Variants in SLC24A4 observed in about 807,000 individuals in gnomAD.
The protein encoded by SLC24A4 is sodium/potassium/calcium exchanger 4.
SLC24A4 carries 53 observed loss-of-function variants against 79.0 expected under a neutral mutation model. That is an observed-to-expected ratio of 0.67 (90% CI 0.54 to 0.84). SLC24A4 has a LOEUF of 0.84. SLC24A4 is among the 40% of genes least tolerant of loss of function. The pLI is 0.00. For missense variants in SLC24A4, 731 were observed against 822.0 expected, an observed-to-expected ratio of 0.89 and a Z score of 1.35; for synonymous variants, 323 against 323.8, an observed-to-expected ratio of 1.00 and a Z score of 0.03.
At chr14:92,438,705 G>A (rs1030173850) in intron 3 of SLC24A4, among the ~76,000 whole-genome samples, 1 of 152,146 alleles carries the variant, frequency 6.6e-6, no homozygotes, top group Non-Finnish European at 1.5e-5. Flanking sequence ...CTAAGCATAC[G>A]ACCCTCCAGG....
At chr14:92,480,705 C>A (rs1464347987) in intron 12 of SLC24A4, among the ~76,000 whole-genome samples, 1 of 152,098 alleles carries the variant, frequency 6.6e-6, no homozygotes, top group African/African-American at 2.4e-5. Flanking sequence ...AAAGTATTTT[C>A]TAATTTTTTT....
intron 2 of SLC24A4, among the ~76,000 whole-genome samples, chr14:92,387,181 A>ATTT (rs10660359): frequency 0.12 from 16,898 of 140,184 alleles, 3,178 homozygotes; most frequent in African/African-American, 0.41. Context: ...GGAGAGAAGT[A>ATTT]TTTTTTTTTT....
chr14:92,412,900 T>C (rs1890797551), intron 2 of SLC24A4, among the ~76,000 whole-genome samples: 1 of 152,218 alleles, frequency 6.6e-6, no homozygotes, highest in Non-Finnish European at 1.5e-5. Flanking sequence ...TTTTCAATGA[T>C]TGGACAAAGT....
intron 2 of SLC24A4, among the ~76,000 whole-genome samples, chr14:92,393,119 T>C (rs1016599061): frequency 6.6e-6 from 1 of 152,212 alleles, no homozygotes; most frequent in African/African-American, 2.4e-5. Flanking sequence ...CTATGAGGAA[T>C]ACACTCTCAC....
intron 2 of SLC24A4, among the ~76,000 whole-genome samples, chr14:92,385,932 G>A (rs1034026481): frequency 3.3e-5 from 5 of 152,134 alleles, no homozygotes; most frequent in East Asian, 1.9e-4. Flanking sequence ...CTGCCTCTGC[G>A]GCAGGCCAGG....
At chr14:92,422,029 G>A (rs777344943) in intron 2 of SLC24A4, among the ~76,000 whole-genome samples, 2 of 152,158 alleles carry the variant, frequency 1.3e-5, no homozygotes, top group African/African-American at 2.4e-5. Context: ...GAGTGATTTC[G>A]TGTGTTGCTT....
chr14:92,395,210 T>C (rs190654045), intron 2 of SLC24A4, among the ~76,000 whole-genome samples: 161 of 152,302 alleles, frequency 1.1e-3, no homozygotes, highest in African/African-American at 3.7e-3. Context: ...CCTTTCTGCC[T>C]GACCCACAGT....
At chr14:92,368,813 C>A (rs1036490965) in intron 2 of SLC24A4, among the ~76,000 whole-genome samples, 2 of 152,132 alleles carry the variant, frequency 1.3e-5, no homozygotes, top group East Asian at 3.9e-4. Flanking sequence ...CCTGCCTCAC[C>A]CAACTTTGGC....
chr14:92,354,692 C>A (rs897428427), intron 2 of SLC24A4, among the ~76,000 whole-genome samples: 2 of 152,030 alleles, frequency 1.3e-5, no homozygotes. Flanking sequence ...TGGGGTGGGG[C>A]CTGAGATTCT....
intron 11 of SLC24A4, 26 bp from the exon 12 acceptor site, chr14:92,456,378 G>A (rs1439552758): frequency 6.2e-7 from 1 of 1,613,052 alleles, no homozygotes. Flanking sequence ...ATGCCTTGGT[G>A]TCCATGTTGC....
At chr14:92,483,677 ACT>A in intron 13 of SLC24A4, 1 of 1,245,280 alleles carries the variant, frequency 8.0e-7, no homozygotes. Context: ...CTCCTTCCCC[ACT>A]CTCTGTATAC....
At chr14:92,351,773 A>C (rs1886891750) in intron 2 of SLC24A4, among the ~76,000 whole-genome samples, 1 of 152,106 alleles carries the variant, frequency 6.6e-6, no homozygotes, top group African/African-American at 2.4e-5. Flanking sequence ...CTGAGGCATG[A>C]GAATTGCTTT....
chr14:92,410,045 G>A (rs552424677), intron 2 of SLC24A4, among the ~76,000 whole-genome samples: 15 of 152,284 alleles, frequency 9.9e-5, no homozygotes, highest in African/African-American at 3.6e-4. Context: ...TTTGAGGGGG[G>A]AAGGTGGGAG....
intron 12 of SLC24A4, among the ~76,000 whole-genome samples, chr14:92,471,271 C>A (rs77073610): frequency 0.044 from 6,663 of 152,230 alleles, 374 homozygotes; most frequent in East Asian, 0.17. Flanking sequence ...CTACTCCTAG[C>A]AGGGACAAGG....
In SLC24A4 at chr14:92,398,363, G is replaced by C. The variant is rs1400023041; in HGVS notation, c.242-35549G>C. ...TTAGAAAGGGAGGAGGCTGGCAGCA[G>C]GCTGGTGGGCGGAGCAAGCATCCAC... On this transcript the variant is annotated intron_variant, in intron 2 of 16. Transcript: ENST00000532405. This position sits in a 1 kb window ranked among gnomAD's most constrained non-coding sequence, Gnocchi z 4.1. 1.3e-5 allele frequency among the ~76,000 whole-genome samples: 2 copies of C among 152,216 alleles called. No homozygotes were observed. The highest frequency in any genetic ancestry group is 2.9e-5 in the Non-Finnish European group (2 of 68,040).
At chr14:92,333,888 G>A (rs185457973) in intron 2 of SLC24A4, among the ~76,000 whole-genome samples, 2 of 152,282 alleles carry the variant, frequency 1.3e-5, no homozygotes, top group East Asian at 1.9e-4. Context: ...GGCTGGGCTA[G>A]GAGGAGATGA....
chr14:92,379,787 C>T (rs1165155237), intron 2 of SLC24A4, among the ~76,000 whole-genome samples: 1 of 152,116 alleles, frequency 6.6e-6, no homozygotes, highest in East Asian at 1.9e-4. Flanking sequence ...GCTCACCCTG[C>T]TCTCCCACTG....
chr14:92,411,812 A>G (rs1035411694), intron 2 of SLC24A4, among the ~76,000 whole-genome samples: 2 of 152,190 alleles, frequency 1.3e-5, no homozygotes, highest in African/African-American at 4.8e-5. Flanking sequence ...TTTGGACAAG[A>G]CTGTCAAATA....
At chr14:92,358,522 A>G (rs1887308273) in intron 2 of SLC24A4, among the ~76,000 whole-genome samples, 1 of 151,800 alleles carries the variant, frequency 6.6e-6, no homozygotes, top group East Asian at 1.9e-4. Context: ...CCAGGCTCAA[A>G]TATCCGCTGG....
Sources: gnomAD v4.1 joint callset for allele counts (sites outside exome capture counted in the v4.1 genomes callset) on GRCh38, gnomAD v4.1.1 for gene constraint, Gnocchi (gnomAD v3.1) non-coding constraint, MANE v1.5 for transcripts, NCBI Gene and HGNC (gene_info 2026-07-23, HGNC 2026-07-21) for gene names.